The following CPAP variants were observed in gnomAD, a reference collection of about 807,000 sequenced individuals.
CPAP encodes centrosome assembly and centriole elongation protein.
chr13:24,885,574 T>C, the CPAP span: 1 of 1,490,158 alleles, frequency 6.7e-7, no homozygotes, highest in South Asian at 1.1e-5. Flanking sequence ...AAGTAATGTA[T>C]GTTTGAAGAA....
chr13:24,931,678 G>A, the CPAP span, among the ~76,000 whole-genome samples: 1 of 152,076 alleles, frequency 6.6e-6, no homozygotes, highest in Non-Finnish European at 1.5e-5. Context: ...GCAGATAAAT[G>A]TATTTCTAAC....
chr13:24,883,620 T>C, the CPAP span, among the ~76,000 whole-genome samples: 1 of 152,216 alleles, frequency 6.6e-6, no homozygotes, highest in Non-Finnish European at 1.5e-5. Flanking sequence ...CAACTTGTGT[T>C]CTTCCTTTTG....
chr13:24,913,781 T>C, the CPAP span, among the ~76,000 whole-genome samples: 28 of 152,386 alleles, frequency 1.8e-4, no homozygotes, highest in African/African-American at 6.7e-4. Context: ...GTAATTCTTA[T>C]GGCATAAGCC....
chr13:24,921,490 C>CACTT, the CPAP span, among the ~76,000 whole-genome samples: 1 of 152,070 alleles, frequency 6.6e-6, no homozygotes, highest in South Asian at 2.1e-4. Context: ...AAGGTTAATA[C>CACTT]AGGGGGTGGA....
chr13:24,904,165 T>C, the CPAP span: 5 of 1,249,458 alleles, frequency 4.0e-6, no homozygotes, highest in African/African-American at 5.9e-5. Flanking sequence ...ACATCTGTGC[T>C]ATTAAAATGC....
At chr13:24,883,069 T>C in the CPAP span, 990,612 of 997,576 alleles carry the variant, frequency 0.99, 491,957 homozygotes, top group Non-Finnish European at 1. Context: ...TTTTAGAATC[T>C]AATCTTTTCC....
chr13:24,884,261 G>A, the CPAP span: 2 of 1,613,960 alleles, frequency 1.2e-6, no homozygotes, highest in Admixed American at 1.7e-5. Context: ...AAGACACACA[G>A]TCAGTCTGCC....
At chr13:24,908,035 C>G in the CPAP span, 1 of 1,610,478 alleles carries the variant, frequency 6.2e-7, no homozygotes, top group Non-Finnish European at 8.5e-7. Context: ...CAATATTAGC[C>G]ACTTCTGAGG....
chr13:24,928,828 C>A, the CPAP span, among the ~76,000 whole-genome samples: 4 of 152,224 alleles, frequency 2.6e-5, no homozygotes, highest in East Asian at 7.7e-4. Context: ...ATTGGACTTA[C>A]AACAAAAGAT....
the CPAP span, chr13:24,933,361 CAT>C: frequency 2.4e-6 from 1 of 413,214 alleles, no homozygotes; most frequent in Non-Finnish European, 4.4e-6. Context: ...GACAATTCCA[CAT>C]GTCCAGTGAG....
the CPAP span, among the ~76,000 whole-genome samples, chr13:24,888,490 C>G: frequency 6.6e-6 from 1 of 152,286 alleles, no homozygotes; most frequent in South Asian, 2.1e-4. Context: ...CTCACGGAAT[C>G]AACCACCATT....
the CPAP span, chr13:24,883,943 T>C: frequency 6.2e-7 from 1 of 1,614,068 alleles, no homozygotes; most frequent in Non-Finnish European, 8.5e-7. Flanking sequence ...GGTTTTTCTG[T>C]GAACATAATG....
chr13:24,930,934 T>C, the CPAP span, among the ~76,000 whole-genome samples: 1 of 152,178 alleles, frequency 6.6e-6, no homozygotes, highest in Non-Finnish European at 1.5e-5. Flanking sequence ...CCACCAACAG[T>C]GTATAAGCAT....
At chr13:24,886,347 C>T in the CPAP span, 1 of 1,289,182 alleles carries the variant, frequency 7.8e-7, no homozygotes, top group South Asian at 1.2e-5. Flanking sequence ...AGGTGGTCAG[C>T]CAACAAGCTG....
chr13:24,907,196 A>C, the CPAP span: 6 of 1,593,552 alleles, frequency 3.8e-6, no homozygotes, highest in Non-Finnish European at 1.7e-6. Flanking sequence ...TAATGGGCCT[A>C]ATTAGAAACA....
the CPAP span, chr13:24,882,806 A>ACAAGT: frequency 3.9e-5 from 10 of 253,440 alleles, no homozygotes; most frequent in East Asian, 2.2e-4. Context: ...CACCTTCTGT[A>ACAAGT]CAAGTCCAGT....
chr13:24,891,980 C>T, the CPAP span, among the ~76,000 whole-genome samples: 33,502 of 152,206 alleles, frequency 0.22, 4,175 homozygotes, highest in Non-Finnish European at 0.29. Context: ...CCCACCCAGA[C>T]GGCGACGCCA....
At chr13:24,882,646 T>G in the CPAP span, 1 of 155,876 alleles carries the variant, frequency 6.4e-6, no homozygotes, top group East Asian at 1.9e-4. Context: ...ACCTGTTGTG[T>G]GTGACCTATT....
At chr13:24,920,699 C>T in the CPAP span, among the ~76,000 whole-genome samples, 1 of 147,488 alleles carries the variant, frequency 6.8e-6, no homozygotes, top group African/African-American at 2.5e-5. Context: ...TGGCTCACTG[C>T]AACCTCAGCC....
Sources: gnomAD v4.1 joint callset for allele counts (sites outside exome capture counted in the v4.1 genomes callset) on GRCh38, gnomAD v4.1.1 for gene constraint, MANE v1.5 for transcripts, NCBI Gene and HGNC (gene_info 2026-07-23, HGNC 2026-07-21) for gene names.